The following SYNPO2 variants were observed in gnomAD, a reference collection of about 807,000 sequenced individuals.
The protein encoded by SYNPO2 is synaptopodin 2.
In SYNPO2, 56 loss-of-function variants were observed where a neutral mutation model predicts 85.0. That is an observed-to-expected ratio of 0.66 (90% CI 0.53 to 0.82). The LOEUF (loss-of-function observed/expected upper bound fraction) is 0.82. Ranked by LOEUF, SYNPO2 falls within the 40% of genes least tolerant of loss-of-function variation. SYNPO2 has a pLI of 0.00. For missense variants in SYNPO2, 1,575 were observed against 1,534.2 expected (o/e 1.03, Z -0.44); for synonymous variants, 602 against 591.1 (o/e 1.02, Z -0.27).
At chr4:118,965,323 C>A (rs1281789289) in intron 1 of SYNPO2, among the ~76,000 whole-genome samples, 2 of 152,084 alleles carry the variant, frequency 1.3e-5, no homozygotes, top group Admixed American at 6.6e-5. Flanking sequence ...CTGCTTTACC[C>A]CACACAGCAG....
At chr4:118,863,034 C>T (rs1338872348) in intron 1 of SYNPO2, among the ~76,000 whole-genome samples, 1 of 152,178 alleles carries the variant, frequency 6.6e-6, no homozygotes, top group Admixed American at 6.5e-5. Context: ...TGCTCTGGAA[C>T]TCCTGACCTC....
At chr4:119,011,452 T>C (rs1462873944) in intron 1 of SYNPO2, among the ~76,000 whole-genome samples, 1 of 152,148 alleles carries the variant, frequency 6.6e-6, no homozygotes, top group African/African-American at 2.4e-5. Flanking sequence ...GCTTATTGAG[T>C]CATGGTGGGA....
intron 1 of SYNPO2, among the ~76,000 whole-genome samples, chr4:118,977,171 G>C (rs964155118): frequency 6.6e-6 from 1 of 152,246 alleles, no homozygotes; most frequent in Non-Finnish European, 1.5e-5. Flanking sequence ...GGCATGGCGG[G>C]CTGCAGGTCC....
Position 119,014,507 on chromosome 4 carries a change from T to C in SYNPO2, c.106-8923T>C, listed in dbSNP as rs1578643903. Among the ~76,000 whole-genome samples the C allele has an allele frequency of 1.2e-4, 19 of 152,290 alleles. No individual in the cohort carries two copies. The South Asian group carries it at 3.9e-3, about 32-fold the overall frequency. ...CTGTTTTATACAATACGGTTTTTCA[T>C]AAAAAAGTACTTATGTTAACATGCA... On this transcript the variant is annotated intron_variant, in intron 1 of 4. Transcript: ENST00000307142.
At chr4:119,044,084 C>T (rs1738804788) in intron 4 of SYNPO2, 1 of 152,018 alleles carries the variant, frequency 6.6e-6, no homozygotes, top group South Asian at 2.1e-4. Flanking sequence ...CCGAGACATC[C>T]TTTCAGTGAT....
chr4:118,879,413 G>A (rs975432263), intron 1 of SYNPO2, among the ~76,000 whole-genome samples: 2 of 152,162 alleles, frequency 1.3e-5, no homozygotes, highest in East Asian at 1.9e-4. Context: ...GGGGCTGTGC[G>A]AAGGTAATTA....
At chr4:118,894,220 G>A (rs1038906350) in intron 1 of SYNPO2, among the ~76,000 whole-genome samples, 10 of 151,874 alleles carry the variant, frequency 6.6e-5, no homozygotes, top group African/African-American at 2.2e-4. Context: ...TGTCCCTTCC[G>A]CCCTTCCCCA....
intron 1 of SYNPO2, among the ~76,000 whole-genome samples, chr4:118,929,653 A>G (rs965219547): frequency 1.3e-5 from 2 of 152,056 alleles, no homozygotes; most frequent in Admixed American, 6.5e-5. Context: ...GAGTCGCTCA[A>G]TTATCTCCCA....
chr4:118,902,277 T>TA (rs1732782699), intron 1 of SYNPO2, among the ~76,000 whole-genome samples: 1 of 152,192 alleles, frequency 6.6e-6, no homozygotes, highest in African/African-American at 2.4e-5. Context: ...GACCAGTCTC[T>TA]AGAGCACCTG....
At chr4:118,942,877 T>A (rs1189338823) in intron 1 of SYNPO2, among the ~76,000 whole-genome samples, 2 of 151,986 alleles carry the variant, frequency 1.3e-5, no homozygotes, top group Admixed American at 6.6e-5. Context: ...GAGGCTAAGG[T>A]AGGCAGATCA....
chr4:118,983,638 C>T (rs1253204386), intron 1 of SYNPO2, among the ~76,000 whole-genome samples: 3 of 152,170 alleles, frequency 2.0e-5, no homozygotes, highest in Admixed American at 2.0e-4. Flanking sequence ...TCTGTTGGCC[C>T]CACTTCTACT....
intron 1 of SYNPO2, among the ~76,000 whole-genome samples, chr4:118,880,154 G>C (rs1431801929): frequency 2.0e-5 from 3 of 152,156 alleles, no homozygotes. Flanking sequence ...CTGGCTACTT[G>C]CTCGGAATAA....
intron 1 of SYNPO2, among the ~76,000 whole-genome samples, chr4:118,916,513 G>A (rs1282580040): frequency 6.6e-6 from 1 of 151,484 alleles, no homozygotes; most frequent in Non-Finnish European, 1.5e-5. Flanking sequence ...GGTTTTGTTA[G>A]AGAAATCTTT....
intron 1 of SYNPO2, among the ~76,000 whole-genome samples, chr4:118,938,726 G>A (rs1734198559): frequency 6.6e-6 from 1 of 152,112 alleles, no homozygotes. Context: ...AAATATTTGA[G>A]TTTTTAAACA....
rs1462466221 is a variant in SYNPO2, at chr4:118,943,129, T to C, written c.105+53988T>C. The stretch of plus-strand genomic sequence containing the variant: ...CTCAAAAAAAAAAAAAAGTCAATAG[T>C]GTTGAGGTTGAAAAAAAACTTTATT... On this transcript the variant is annotated intron_variant, in intron 1 of 4. Transcript: ENST00000307142. Among the ~76,000 whole-genome samples the C allele has an allele frequency of 4.7e-5, 7 of 148,392 alleles. No homozygotes were observed. The East Asian group carries it at 1.4e-3, about 29-fold the overall frequency.
chr4:118,943,947 T>C (rs542969310), intron 1 of SYNPO2, among the ~76,000 whole-genome samples: 1 of 152,328 alleles, frequency 6.6e-6, no homozygotes, highest in African/African-American at 2.4e-5. Context: ...CAGTGCTACA[T>C]ACCTACGTGG....
At chr4:118,962,726 TG>T (rs1735153935) in intron 1 of SYNPO2, among the ~76,000 whole-genome samples, 1 of 152,204 alleles carries the variant, frequency 6.6e-6, no homozygotes, top group African/African-American at 2.4e-5. Flanking sequence ...AGCTTCCATC[TG>T]CCCCAATCTG....
At chr4:119,038,431 T>G in intron 4 of SYNPO2, 2 of 985,450 alleles carry the variant, frequency 2.0e-6, no homozygotes, top group Non-Finnish European at 2.4e-6. Flanking sequence ...TTCATTTTCT[T>G]ATTTCAGAAT....
At chr4:118,910,197 G>A (rs1733090338) in intron 1 of SYNPO2, among the ~76,000 whole-genome samples, 1 of 152,302 alleles carries the variant, frequency 6.6e-6, no homozygotes, top group Admixed American at 6.5e-5. Context: ...CAGGTGCAGA[G>A]TTTGACATGA....
Sources: allele counts gnomAD v4.1 joint callset (sites outside exome capture counted in the v4.1 genomes callset), GRCh38; gene constraint gnomAD v4.1.1; transcripts MANE v1.5; gene names NCBI Gene and HGNC (gene_info 2026-07-23, HGNC 2026-07-21).